The following LRRC3B variants were observed in gnomAD, a reference collection of about 807,000 sequenced individuals.
The protein encoded by LRRC3B is leucine-rich repeat-containing protein 3B.
In LRRC3B, 2 loss-of-function variants were observed where a neutral mutation model predicts 12.8. The ratio of observed to expected loss-of-function variants is 0.16; its 90% CI spans 0.06 to 0.49. The LOEUF is 0.49. Among genes scored for constraint, LRRC3B ranks in the 20% least tolerant of loss-of-function variants. The pLI is 0.96. For synonymous variants in LRRC3B, 132 were observed against 122.0 expected, an observed-to-expected ratio of 1.08 and a Z score of -0.54; for missense variants, 189 against 319.4, an observed-to-expected ratio of 0.59 and a Z score of 3.11.
chr3:26,679,118 T>C (rs376642959), intron 1 of LRRC3B, among the ~76,000 whole-genome samples: 11 of 152,342 alleles, frequency 7.2e-5, no homozygotes, highest in African/African-American at 2.6e-4. Context: ...CAGTTATTCA[T>C]TCAGTTATTC....
At chr3:26,626,326 C>T (rs1698625148) in intron 1 of LRRC3B, among the ~76,000 whole-genome samples, 1 of 152,150 alleles carries the variant, frequency 6.6e-6, no homozygotes, top group Admixed American at 6.5e-5. Flanking sequence ...CAGAGATTTG[C>T]TCTGTAGTCA....
chr3:26,676,445 T>C (rs1699862899), intron 1 of LRRC3B, among the ~76,000 whole-genome samples: 1 of 152,162 alleles, frequency 6.6e-6, no homozygotes, highest in African/African-American at 2.4e-5. Context: ...TAGTATTCCA[T>C]GGTGTATATG....
intron 1 of LRRC3B, among the ~76,000 whole-genome samples, chr3:26,634,219 A>G (rs1295469180): frequency 6.6e-6 from 1 of 152,198 alleles, no homozygotes; most frequent in East Asian, 1.9e-4. Context: ...CTTGTCTTTC[A>G]TGCCTTGCTG....
At chr3:26,623,685 A>G (rs1698558606) in intron 1 of LRRC3B, 2 of 152,286 alleles carry the variant, frequency 1.3e-5, no homozygotes, top group Admixed American at 6.5e-5. Context: ...GGAGCTGGGT[A>G]GGGACAGAGA....
chr3:26,635,581 A>G (rs933507224), intron 1 of LRRC3B, among the ~76,000 whole-genome samples: 3 of 152,248 alleles, frequency 2.0e-5, no homozygotes, highest in Non-Finnish European at 4.4e-5. Context: ...GAAAGAGCCT[A>G]CACCAGGCAT....
intron 1 of LRRC3B, among the ~76,000 whole-genome samples, chr3:26,660,782 A>T (rs955469399): frequency 6.6e-6 from 1 of 152,196 alleles, no homozygotes; most frequent in Non-Finnish European, 1.5e-5. Context: ...GAGAGCACTC[A>T]GTCCAAATTC....
At chr3:26,709,798 C>T in exon 2 of LRRC3B, 11 of 1,614,042 alleles carry the variant, frequency 6.8e-6, no homozygotes, top group Non-Finnish European at 8.5e-6. Context: ...TTTGTTCTTC[C>T]TCTGGGGGTT....
chr3:26,660,036 T>C (rs190679320), intron 1 of LRRC3B, among the ~76,000 whole-genome samples: 34 of 152,342 alleles, frequency 2.2e-4, no homozygotes, highest in Admixed American at 1.9e-3. Flanking sequence ...AGAGTTTTAA[T>C]CTTCCAGCTG....
At chr3:26,698,618 T>C (rs1700377728) in intron 1 of LRRC3B, among the ~76,000 whole-genome samples, 1 of 152,136 alleles carries the variant, frequency 6.6e-6, no homozygotes, top group African/African-American at 2.4e-5. Flanking sequence ...AATTTGAAAC[T>C]TTCAGACAAG....
chr3:26,676,043 T>A (rs1212134781), intron 1 of LRRC3B, among the ~76,000 whole-genome samples: 1 of 152,014 alleles, frequency 6.6e-6, no homozygotes, highest in Non-Finnish European at 1.5e-5. Context: ...GGCCAGTTAC[T>A]TCAAAGAATA....
chr3:26,688,048 G>A (rs78988884), intron 1 of LRRC3B, among the ~76,000 whole-genome samples: 1 of 152,166 alleles, frequency 6.6e-6, no homozygotes, highest in Admixed American at 6.5e-5. Context: ...ATCAGAAGGA[G>A]GCTCAGGTAT....
chr3:26,695,553 C>A (rs1700295370), intron 1 of LRRC3B, among the ~76,000 whole-genome samples: 1 of 135,048 alleles, frequency 7.4e-6, no homozygotes, highest in Non-Finnish European at 1.5e-5. Flanking sequence ...AAAAAAACTT[C>A]TTGATTTTTC....
At chr3:26,692,337 A>G (rs1405365806) in intron 1 of LRRC3B, among the ~76,000 whole-genome samples, 1 of 152,180 alleles carries the variant, frequency 6.6e-6, no homozygotes, top group Non-Finnish European at 1.5e-5. Flanking sequence ...CTAATACAGC[A>G]CTAATTCCAC....
chr3:26,691,103 G>GTATATATATATA (rs1298635555), intron 1 of LRRC3B, among the ~76,000 whole-genome samples: 1,590 of 44,464 alleles, frequency 0.036, 8 homozygotes, highest in Non-Finnish European at 0.052. Flanking sequence ...GTGTGTGTGT[G>GTATATATATATA]TGTATATATA....
At chr3:26,665,877 T>G (rs907311840) in intron 1 of LRRC3B, among the ~76,000 whole-genome samples, 5 of 152,182 alleles carry the variant, frequency 3.3e-5, no homozygotes, top group African/African-American at 1.2e-4. Context: ...TCTGTCTAAC[T>G]GGGTTCTTTG....
At chr3:26,686,098 G>A (rs946357377) in intron 1 of LRRC3B, among the ~76,000 whole-genome samples, 3 of 148,878 alleles carry the variant, frequency 2.0e-5, no homozygotes, top group South Asian at 2.1e-4. Context: ...TTTTTTTTTC[G>A]AGATGGAGTC....
chr3:26,693,451 G>A (rs1700236080), intron 1 of LRRC3B, among the ~76,000 whole-genome samples: 1 of 151,748 alleles, frequency 6.6e-6, no homozygotes, highest in Non-Finnish European at 1.5e-5. Context: ...TGCCTCAACA[G>A]TCCCAATCTA....
At chr3:26,654,938 A>G (rs1238888751) in intron 1 of LRRC3B, among the ~76,000 whole-genome samples, 1 of 152,232 alleles carries the variant, frequency 6.6e-6, no homozygotes, top group African/African-American at 2.4e-5. Flanking sequence ...TTGCCTTATC[A>G]TCTTCATAAT....
chr3:26,685,507 CTCTCTCTCTCTCTCTCTA>C (rs1474425453), intron 1 of LRRC3B, among the ~76,000 whole-genome samples: 256 of 49,938 alleles, frequency 5.1e-3, no homozygotes, highest in Non-Finnish European at 8.7e-3. Flanking sequence ...CTCTCTCTCT[CTCTCTCTCTCTCTCTCTA>C]TATATATATA....
Sources: gnomAD v4.1 joint callset for allele counts (sites outside exome capture counted in the v4.1 genomes callset) on GRCh38, gnomAD v4.1.1 for gene constraint, MANE v1.5 for transcripts, NCBI Gene and HGNC (gene_info 2026-07-23, HGNC 2026-07-21) for gene names.